The following YBX1 variants were observed in gnomAD, a reference collection of about 807,000 sequenced individuals.
The protein encoded by YBX1 is Y-box-binding protein 1.
YBX1 carries 3 observed loss-of-function variants against 41.4 expected under a neutral mutation model. The ratio of observed to expected loss-of-function variants is 0.07; its 90% CI spans 0.03 to 0.19. The LOEUF is 0.19. YBX1 is among the 10% of genes least tolerant of loss of function. The pLI, the probability that YBX1 is intolerant of heterozygous loss-of-function variation, is 1.00. For synonymous variants in YBX1, 133 were observed against 165.8 expected, an observed-to-expected ratio of 0.80 and a Z score of 1.52; for missense variants, 274 against 462.8, an observed-to-expected ratio of 0.59 and a Z score of 3.74.
chr1:42,701,184 C>G (rs765444643), intron 7 of YBX1, 138 bp downstream of exon 7: 4 of 671,916 alleles, frequency 6.0e-6, no homozygotes, highest in Non-Finnish European at 1.0e-5. Context: ...CTGCCCTATT[C>G]TTAATTACCT....
intron 2 of YBX1, among the ~76,000 whole-genome samples, chr1:42,687,237 C>CT (rs142682132): frequency 0.021 from 3,137 of 149,060 alleles, 64 homozygotes; most frequent in African/African-American, 0.063. Flanking sequence ...CTCCCTTAAT[C>CT]TTTTTTTTTT....
At position 42,697,168 on chromosome 1, in the gene YBX1, T is replaced by G; in HGVS notation, c.658-12T>G. 1 of 1,610,988 alleles carries G rather than the reference T, an allele frequency of 6.2e-7. No individual in the cohort carries two copies. The highest frequency in any genetic ancestry group is 8.5e-7 in the Non-Finnish European group (1 of 1,179,154). ...CTGACCCAGTAGGCTTAATTTCCAT[T>G]GTCTTTTTCAGGGTGCTGACAACCA... is the stretch of plus-strand genomic sequence containing the variant. On this transcript the variant is annotated splice_polypyrimidine_tract_variant and intron_variant, in intron 5 of 7. Coordinates refer to ENST00000321358, the MANE Select transcript of YBX1 (RefSeq NM_004559.5).
At chr1:42,701,677 A>T (rs953404774) in intron 7 of YBX1, among the ~76,000 whole-genome samples, 21 of 152,228 alleles carry the variant, frequency 1.4e-4, no homozygotes, top group African/African-American at 5.1e-4. Flanking sequence ...ACCACATGAT[A>T]CAATTACGTT....
At chr1:42,691,922 C>T (rs1462507597) in intron 2 of YBX1, among the ~76,000 whole-genome samples, 2 of 152,070 alleles carry the variant, frequency 1.3e-5, no homozygotes, top group African/African-American at 4.8e-5. Flanking sequence ...AGTGCAGCAG[C>T]TCACTGTAAC....
chr1:42,683,096 C>G, intron 1 of YBX1: 1 of 549,508 alleles, frequency 1.8e-6, no homozygotes, highest in Non-Finnish European at 3.4e-6. Context: ...GCTCGGAGGG[C>G]GCGGCGCACC....
At chr1:42,690,243 TTTTC>T (rs1240420843) in intron 2 of YBX1, among the ~76,000 whole-genome samples, 2 of 135,512 alleles carry the variant, frequency 1.5e-5, no homozygotes, top group Non-Finnish European at 3.3e-5. Context: ...TTTCTTTTTC[TTTTC>T]TTTTTTTTTT....
Position 42,696,988 on chromosome 1 carries a change from G to C in YBX1, c.657+44G>C. ...AACAGCAATGTGATAAGTTCTGGTA[G>C]GACTGTTTAGAGCTGTTAATTATAT... On this transcript the variant is annotated intron_variant, in intron 5 of 7. Transcript: ENST00000321358. The surrounding 1 kb of genome is among the most constrained non-coding windows in gnomAD (Gnocchi z 5.7). 6.6e-7 allele frequency: 1 copy of C among 1,517,016 alleles called. No homozygotes were observed. The highest frequency in any genetic ancestry group is 1.8e-4 in the Middle Eastern group (1 of 5,638). 94.0% of individuals were successfully genotyped at this position (1,517,016 alleles called of 1,614,324 possible).
intron 2 of YBX1, among the ~76,000 whole-genome samples, chr1:42,691,179 C>T (rs184529978): frequency 2.0e-5 from 3 of 152,296 alleles, no homozygotes; most frequent in Non-Finnish European, 4.4e-5. Context: ...CAATTGAGGA[C>T]GTTTTCAGTA....
At chr1:42,691,975 A>G (rs1650351171) in intron 2 of YBX1, among the ~76,000 whole-genome samples, 1 of 151,946 alleles carries the variant, frequency 6.6e-6, no homozygotes, top group South Asian at 2.1e-4. Context: ...CTCACCCCCC[A>G]GAGTAGCTGG....
chr1:42,687,260 A>G (rs181085226), intron 2 of YBX1, among the ~76,000 whole-genome samples: 50 of 152,180 alleles, frequency 3.3e-4, no homozygotes, highest in African/African-American at 1.1e-3. Context: ...ATGGCCTGCA[A>G]GGTAAGACTG....
Sources: allele counts gnomAD v4.1 joint callset (sites outside exome capture counted in the v4.1 genomes callset), GRCh38; gene constraint gnomAD v4.1.1; non-coding constraint Gnocchi (gnomAD v3.1); transcripts MANE v1.5; gene names NCBI Gene and HGNC (gene_info 2026-07-23, HGNC 2026-07-21).